The following AFAP1L2 variants were observed in gnomAD, a reference collection of about 807,000 sequenced individuals.
The protein encoded by AFAP1L2 is actin filament-associated protein 1-like 2.
In AFAP1L2, 46 loss-of-function variants were observed where a neutral mutation model predicts 99.3. The observed-to-expected ratio is 0.46, with a 90% CI of 0.37 to 0.59. The LOEUF (loss-of-function observed/expected upper bound fraction) is 0.59. Among genes scored for constraint, AFAP1L2 ranks in the 20% least tolerant of loss-of-function variants. The probability of loss-of-function intolerance (pLI) is 0.00; values close to 1 mark genes in which losing one functional copy is unlikely to be tolerated. For synonymous variants in AFAP1L2, 397 were observed against 419.1 expected, an observed-to-expected ratio of 0.95 and a Z score of 0.64; for missense variants, 959 against 1,034.9, an observed-to-expected ratio of 0.93 and a Z score of 1.01.
At chr10:114,359,066 T>C (rs2051830334) in intron 1 of AFAP1L2, among the ~76,000 whole-genome samples, 1 of 152,166 alleles carries the variant, frequency 6.6e-6, no homozygotes, top group Non-Finnish European at 1.5e-5. Flanking sequence ...AATCATATCC[T>C]CTGAGAACAA....
At chr10:114,373,422 T>G (rs558339953) in intron 1 of AFAP1L2, among the ~76,000 whole-genome samples, 11 of 152,190 alleles carry the variant, frequency 7.2e-5, no homozygotes, top group African/African-American at 2.4e-4. Flanking sequence ...GGTCAGGTGT[T>G]CAAGACCAGC....
chr10:114,305,492 G>A (rs1165326568), intron 10 of AFAP1L2, among the ~76,000 whole-genome samples: 3 of 134,838 alleles, frequency 2.2e-5, no homozygotes, highest in Admixed American at 7.3e-5. Flanking sequence ...GGAGGGGACG[G>A]GGCTGCAGGA....
chr10:114,311,844 C>T (rs576333824), intron 7 of AFAP1L2, among the ~76,000 whole-genome samples: 4 of 152,150 alleles, frequency 2.6e-5, no homozygotes, highest in Non-Finnish European at 5.9e-5. Context: ...GGCATGGGTG[C>T]GGATATGCAG....
intron 2 of AFAP1L2, among the ~76,000 whole-genome samples, chr10:114,336,996 G>A (rs186423873): frequency 5.3e-3 from 805 of 152,346 alleles, no homozygotes; most frequent in Admixed American, 9.5e-3. Context: ...GTTGGACCAC[G>A]GCTATCTTGA....
the AFAP1L2 span, among the ~76,000 whole-genome samples, chr10:114,287,661 T>G: frequency 6.6e-6 from 1 of 152,164 alleles, no homozygotes. Context: ...TCTAAGTGCT[T>G]TTGTTCTGCT....
chr10:114,320,935 T>A (rs1053609870), intron 5 of AFAP1L2, among the ~76,000 whole-genome samples: 84 of 152,264 alleles, frequency 5.5e-4, no homozygotes, highest in African/African-American at 1.9e-3. Context: ...TGGCACCACC[T>A]CGCATGCTCA....
At chr10:114,294,075 G>T (rs1315090012), downstream of AFAP1L2, among the ~76,000 whole-genome samples, 1 of 152,038 alleles carries the variant, frequency 6.6e-6, no homozygotes, top group Admixed American at 6.6e-5. Flanking sequence ...TAATGTGATA[G>T]GTTATCCATT....
At chr10:114,367,917 T>C (rs909277113) in intron 1 of AFAP1L2, among the ~76,000 whole-genome samples, 1 of 152,170 alleles carries the variant, frequency 6.6e-6, no homozygotes, top group Non-Finnish European at 1.5e-5. Flanking sequence ...TTTGGAATAA[T>C]TAACTACATG....
At chr10:114,323,882 A>C (rs993760274) in intron 4 of AFAP1L2, among the ~76,000 whole-genome samples, 2 of 152,218 alleles carry the variant, frequency 1.3e-5, no homozygotes, top group African/African-American at 4.8e-5. Flanking sequence ...ATAATGGACA[A>C]GGTCAAAGTT....
chr10:114,316,686 A>T (rs2044199617), intron 5 of AFAP1L2, among the ~76,000 whole-genome samples: 1 of 152,198 alleles, frequency 6.6e-6, no homozygotes. Context: ...GCTCTATTCA[A>T]GGACAAAACA....
intron 1 of AFAP1L2, among the ~76,000 whole-genome samples, chr10:114,346,540 C>T (rs530713432): frequency 1.3e-5 from 2 of 152,294 alleles, no homozygotes; most frequent in South Asian, 4.1e-4. Flanking sequence ...TTTATCAACC[C>T]CCAGGGCTGG....
At position 114,295,233 on chromosome 10, in the gene AFAP1L2, C is replaced by CAGAGT; in HGVS notation, c.*804_*808dup. 23 of 985,722 alleles carry CAGAGT rather than the reference C, an allele frequency of 2.3e-5. No individual in the cohort carries two copies. The highest frequency in any genetic ancestry group is 2.8e-5 in the Non-Finnish European group (23 of 829,858). The allele number at this position is 985,722 out of a possible 1,614,324, so 61.1% of individuals were successfully genotyped here. A position where few individuals can be genotyped will look rare whatever the true frequency, so the allele number is the denominator to read the frequency against. ...GACCACAGCAATGAATCTGTAAACA[C>CAGAGT]AGAGTAATATTTTTCCTACAGTAAA... On this transcript the variant is annotated 3_prime_UTR_variant, in exon 19 of 19. Coordinates refer to ENST00000304129, the MANE Select transcript of AFAP1L2 (RefSeq NM_001001936.3).
At chr10:114,307,312 G>A (rs1426040095) in intron 10 of AFAP1L2, among the ~76,000 whole-genome samples, 3 of 151,926 alleles carry the variant, frequency 2.0e-5, no homozygotes, top group Non-Finnish European at 4.4e-5. Flanking sequence ...TGCCCCTCAA[G>A]GCTCAGGTCC....
chr10:114,312,763 G>A lies in AFAP1L2; in HGVS notation c.792+1108C>T, dbSNP rs569446270. Among the ~76,000 whole-genome samples, 19 of 152,300 alleles carry A rather than the reference G, an allele frequency of 1.2e-4. No individual in the cohort carries two copies. In the East Asian group the frequency reaches 2.5e-3, roughly 20 times the overall value. On this transcript the variant is annotated intron_variant, in intron 7 of 18. Transcript: ENST00000304129. ...ATCTGTGAAGCCAAACCACAAACCT[G>A]TCTATGCAGTGGCCTTTTTCTACAT...
rs778443455 is a variant in AFAP1L2, at chr10:114,297,120, G to A, written c.2308-20C>T. The stretch of plus-strand genomic sequence containing the variant: ...TTTGGGCTGTGGTTATAGGAGGAGA[G>A]CAAGGGCTGAGTCAAGGGGAGGGAG... On this transcript the variant is annotated intron_variant, in intron 17 of 18. Coordinates refer to ENST00000304129, the MANE Select transcript of AFAP1L2 (RefSeq NM_001001936.3). 11 of 1,613,596 alleles carry A rather than the reference G, an allele frequency of 6.8e-6. No individual in the cohort carries two copies. Among genetic ancestry groups the A allele is most frequent in the Admixed American group, 3.3e-5 (2 of 59,998 alleles).
At chr10:114,349,559 A>G (rs1236911722) in intron 1 of AFAP1L2, among the ~76,000 whole-genome samples, 4 of 149,884 alleles carry the variant, frequency 2.7e-5, no homozygotes, top group Admixed American at 1.3e-4. Context: ...CGCTTGGAAA[A>G]AAAAAAAAAA....
chr10:114,323,472 C>T (rs891659351), intron 4 of AFAP1L2, among the ~76,000 whole-genome samples: 2 of 152,136 alleles, frequency 1.3e-5, no homozygotes, highest in East Asian at 1.9e-4. Flanking sequence ...GCTGTGGGCA[C>T]GTTGTTTAAC....
chr10:114,363,863 T>C (rs1360551544), intron 1 of AFAP1L2, among the ~76,000 whole-genome samples: 1 of 152,210 alleles, frequency 6.6e-6, no homozygotes, highest in Non-Finnish European at 1.5e-5. Context: ...AATATAGCAT[T>C]ATCCCCATTT....
At chr10:114,312,453 A>G (rs1398982524) in intron 7 of AFAP1L2, among the ~76,000 whole-genome samples, 1 of 152,128 alleles carries the variant, frequency 6.6e-6, no homozygotes, top group African/African-American at 2.4e-5. Context: ...GTAAGAAACC[A>G]ACAGCCCAGA....
Sources: gnomAD v4.1 joint callset for allele counts (sites outside exome capture counted in the v4.1 genomes callset) on GRCh38, gnomAD v4.1.1 for gene constraint, MANE v1.5 for transcripts, NCBI Gene and HGNC (gene_info 2026-07-23, HGNC 2026-07-21) for gene names.